Variants in ANO3 observed in about 807,000 individuals in gnomAD.
ANO3 encodes anoctamin 3.
In ANO3, 99 loss-of-function variants were observed where a neutral mutation model predicts 144.8. The ratio of observed to expected loss-of-function variants is 0.68; its 90% CI spans 0.58 to 0.81. ANO3 has a LOEUF of 0.81. Among genes scored for constraint, ANO3 ranks in the 30% least tolerant of loss-of-function variants. The pLI, the probability that ANO3 is intolerant of heterozygous loss-of-function variation, is 0.00. For synonymous variants in ANO3, 414 were observed against 392.6 expected (o/e 1.05, Z -0.64); for missense variants, 905 against 1,202.2 (o/e 0.75, Z 3.66).
chr11:26,616,263 A>G (rs1937145154), intron 17 of ANO3, among the ~76,000 whole-genome samples: 1 of 152,158 alleles, frequency 6.6e-6, no homozygotes, highest in Non-Finnish European at 1.5e-5. Flanking sequence ...TCTTACTATA[A>G]ACCTAATTGT....
At chr11:26,545,691 A>T (rs1849768332) in intron 11 of ANO3, among the ~76,000 whole-genome samples, 2 of 146,792 alleles carry the variant, frequency 1.4e-5, no homozygotes, top group South Asian at 4.4e-4. Context: ...ATTGAATGAA[A>T]TATGACACAA....
At chr11:26,655,194 A>G (rs181888255) in intron 24 of ANO3, among the ~76,000 whole-genome samples, 219 of 152,280 alleles carry the variant, frequency 1.4e-3, no homozygotes, top group Non-Finnish European at 2.1e-3. Flanking sequence ...TCATGAGAAA[A>G]CATCCAGGCA....
At chr11:26,500,934 G>C (rs7110978) in intron 4 of ANO3, among the ~76,000 whole-genome samples, 8,856 of 152,182 alleles carry the variant, frequency 0.058, 515 homozygotes, top group African/African-American at 0.15. Flanking sequence ...TAATTTAGGA[G>C]TGTAAATCTA....
intron 1 of ANO3, among the ~76,000 whole-genome samples, chr11:26,244,043 G>C (rs933007087): frequency 6.6e-6 from 1 of 150,964 alleles, no homozygotes; most frequent in Non-Finnish European, 1.5e-5. Context: ...CTTGAACCTG[G>C]GAGGCAGAGG....
chr11:26,574,855 T>C (rs2131691), intron 14 of ANO3, among the ~76,000 whole-genome samples: 75,800 of 151,840 alleles, frequency 0.5, 19,035 homozygotes, highest in South Asian at 0.63. Context: ...GACAATGCCC[T>C]TGGTTAAGCA....
At chr11:26,508,012 T>C (rs2047097667) in intron 4 of ANO3, 92 bp from the exon 5 acceptor site, 1 of 1,088,282 alleles carries the variant, frequency 9.2e-7, no homozygotes, top group African/African-American at 1.7e-5. Context: ...TTTTTTGATA[T>C]TGTATTGCCA....
At chr11:26,409,283 C>T (rs1308850907) in intron 1 of ANO3, among the ~76,000 whole-genome samples, 2 of 151,800 alleles carry the variant, frequency 1.3e-5, no homozygotes, top group Non-Finnish European at 2.9e-5. Context: ...GTCATTTATT[C>T]CTAGAGCTGA....
intron 4 of ANO3, among the ~76,000 whole-genome samples, chr11:26,477,079 C>A (rs1860012428): frequency 6.6e-6 from 1 of 152,052 alleles, no homozygotes; most frequent in African/African-American, 2.4e-5. Flanking sequence ...TTTACTCAAT[C>A]ACAAGTTGAA....
At chr11:26,193,622 T>C (rs1326496378) in intron 1 of ANO3, among the ~76,000 whole-genome samples, 1 of 152,240 alleles carries the variant, frequency 6.6e-6, no homozygotes. Context: ...CCCAGAAAGT[T>C]CTTCCTTCAG....
chr11:26,618,284 A>T (rs930528541), intron 17 of ANO3, among the ~76,000 whole-genome samples: 41 of 152,106 alleles, frequency 2.7e-4, no homozygotes, highest in African/African-American at 9.9e-4. Context: ...GAAACCTTAA[A>T]CTAGTTCTTA....
chr11:26,295,670 A>G (rs940395700), intron 1 of ANO3, among the ~76,000 whole-genome samples: 3 of 152,218 alleles, frequency 2.0e-5, no homozygotes, highest in Non-Finnish European at 4.4e-5. Flanking sequence ...AGAAAAGTTC[A>G]GATGTGAAAT....
At chr11:26,361,573 G>A (rs1175456281) in intron 1 of ANO3, among the ~76,000 whole-genome samples, 2 of 152,130 alleles carry the variant, frequency 1.3e-5, no homozygotes, top group African/African-American at 4.8e-5. Context: ...TTATTGTGAA[G>A]AAGAAGCAAA....
At chr11:26,542,269 G>T (rs1465420759) in intron 11 of ANO3, among the ~76,000 whole-genome samples, 3 of 152,112 alleles carry the variant, frequency 2.0e-5, no homozygotes, top group East Asian at 1.9e-4. Context: ...AACAGGCTTT[G>T]CAAGGTGTCT....
intron 1 of ANO3, among the ~76,000 whole-genome samples, chr11:26,273,632 G>GCACACACACACACA (rs3220654): frequency 7.1e-6 from 1 of 140,186 alleles, no homozygotes; most frequent in African/African-American, 2.6e-5. Context: ...TGTGGATATG[G>GCACACACACACACA]CACACACACA....
chr11:26,651,776 G>C (rs995248574), intron 24 of ANO3, among the ~76,000 whole-genome samples: 2 of 152,132 alleles, frequency 1.3e-5, no homozygotes, highest in African/African-American at 4.8e-5. Flanking sequence ...GGTTCTGAGG[G>C]CAAACGTTTT....
intron 1 of ANO3, among the ~76,000 whole-genome samples, chr11:26,394,022 GC>G (rs2133965696): frequency 6.6e-6 from 1 of 152,208 alleles, no homozygotes; most frequent in South Asian, 2.1e-4. Context: ...GAATGTTTTA[GC>G]CAACTTGAGA....
In ANO3 at chr11:26,393,895, G is replaced by C. The variant is rs1202291057; in HGVS notation, c.47-48023G>C. Among the ~76,000 whole-genome samples the C allele has an allele frequency of 3.3e-5, 5 of 152,194 alleles. No homozygotes were observed. The South Asian group carries it at 8.3e-4, about 25-fold the overall frequency. On this transcript the variant is annotated intron_variant, in intron 1 of 26. Coordinates refer to ENST00000256737, the MANE Select transcript of ANO3 (RefSeq NM_031418.4). Reference sequence around the variant, plus strand: ...TAAGGGATTATTTTGACATTTCCCTGAAACTTTCTGACCTAGAGGTATTAA... The same window carrying C: ...TAAGGGATTATTTTGACATTTCCCTCAAACTTTCTGACCTAGAGGTATTAA...
intron 14 of ANO3, among the ~76,000 whole-genome samples, chr11:26,579,711 TAA>T (rs1174628474): frequency 6.6e-6 from 1 of 152,030 alleles, no homozygotes; most frequent in Non-Finnish European, 1.5e-5. Flanking sequence ...AAGAAAGTAT[TAA>T]GTCACGTGGA....
At chr11:26,591,841 C>T (rs1851461318) in intron 14 of ANO3, among the ~76,000 whole-genome samples, 2 of 152,162 alleles carry the variant, frequency 1.3e-5, no homozygotes. Context: ...GATTTTCGGG[C>T]TCCTTTGGCA....
Sources: gnomAD v4.1 joint callset for allele counts (sites outside exome capture counted in the v4.1 genomes callset) on GRCh38, gnomAD v4.1.1 for gene constraint, MANE v1.5 for transcripts, NCBI Gene and HGNC (gene_info 2026-07-23, HGNC 2026-07-21) for gene names.